NEBL: variants seen among roughly 807,000 people sequenced by gnomAD.
The protein encoded by NEBL is LIM and SH3 protein 2.
NEBL carries 122 observed loss-of-function variants against 140.2 expected under a neutral mutation model. The observed-to-expected ratio is 0.87, with a 90% CI of 0.75 to 1.01. The LOEUF (loss-of-function observed/expected upper bound fraction) is 1.01. NEBL is among the 50% of genes least tolerant of loss of function. NEBL has a pLI of 0.00. For synonymous variants in NEBL, 436 were observed against 398.9 expected, an observed-to-expected ratio of 1.09 and a Z score of -1.11; for missense variants, 1,365 against 1,231.3, an observed-to-expected ratio of 1.11 and a Z score of -1.62.
At chr10:20,967,484 C>T (rs1034172032) in intron 3 of NEBL, among the ~76,000 whole-genome samples, 15 of 152,126 alleles carry the variant, frequency 9.9e-5, no homozygotes, top group African/African-American at 3.1e-4. Context: ...AAAAATTAGC[C>T]GGGTGTGATG....
At chr10:21,268,605 C>G (rs1377484448) in intron 1 of NEBL, among the ~76,000 whole-genome samples, 1 of 149,976 alleles carries the variant, frequency 6.7e-6, no homozygotes, top group Non-Finnish European at 1.5e-5. Flanking sequence ...CTCACTGCAA[C>G]CTCTGCCTCC....
intron 2 of NEBL, among the ~76,000 whole-genome samples, chr10:21,028,723 A>G (rs1320118301): frequency 1.3e-5 from 2 of 152,172 alleles, no homozygotes; most frequent in Non-Finnish European, 2.9e-5. Context: ...ATCCTAAAAA[A>G]GGGAAAATAT....
rs1480057730 is a variant in NEBL, at chr10:20,845,361, TA to T, written c.1123del (p.Tyr375ThrfsTer17). ...AATCTCCTTCTCAAAATCCTCTTTG[TA>T]AACTTTCTGTTAAATAAGACCACAT... Reference protein sequence around the residue: ...EAQKMQSEKVYKEDFEKEIKG... With the variant: ...EAQKMQSEKVXKEDFEKEIKG... On this transcript the variant is annotated frameshift_variant, in exon 12 of 28. Transcript: ENST00000377122. LOFTEE classifies it high-confidence loss of function. 2 of 1,570,678 alleles carry T rather than the reference TA, an allele frequency of 1.3e-6. No individual in the cohort carries two copies. Among genetic ancestry groups the T allele is most frequent in the Non-Finnish European group, 1.8e-6 (2 of 1,141,266 alleles).
intron 4 of NEBL, among the ~76,000 whole-genome samples, chr10:20,953,643 G>A (rs1451745442): frequency 6.6e-6 from 1 of 150,952 alleles, no homozygotes; most frequent in African/African-American, 2.4e-5. Context: ...CTGAGGAAAT[G>A]TTGCTACAAT....
chr10:20,933,107 C>T (rs1834279168), intron 4 of NEBL, among the ~76,000 whole-genome samples: 1 of 152,136 alleles, frequency 6.6e-6, no homozygotes, highest in South Asian at 2.1e-4. Context: ...TAGATTCTCT[C>T]GATGTGTTTG....
chr10:20,786,273 T>C (rs994001312), intron 27 of NEBL, among the ~76,000 whole-genome samples: 1 of 152,194 alleles, frequency 6.6e-6, no homozygotes, highest in African/African-American at 2.4e-5. Flanking sequence ...AAACTCGTCA[T>C]ATGTCAGAGA....
chr10:20,897,079 A>C (rs542004548), intron 1 of NEBL, 46 bp downstream of exon 1: 1 of 1,600,166 alleles, frequency 6.2e-7, no homozygotes, highest in Non-Finnish European at 8.6e-7. Flanking sequence ...CTCATTGTCA[A>C]TTTAGAGGAA....
intron 26 of NEBL, among the ~76,000 whole-genome samples, chr10:20,795,144 T>C (rs1350495000): frequency 6.6e-6 from 1 of 152,158 alleles, no homozygotes; most frequent in African/African-American, 2.4e-5. Context: ...CTATGGCATG[T>C]TGAGCAGAGA....
At chr10:20,996,181 T>A (rs1302211777) in intron 3 of NEBL, among the ~76,000 whole-genome samples, 8 of 152,210 alleles carry the variant, frequency 5.3e-5, no homozygotes. Context: ...AATCGGTTAA[T>A]GTGCCACTAC....
intron 4 of NEBL, among the ~76,000 whole-genome samples, chr10:20,933,586 T>G (rs915317922): frequency 6.6e-6 from 1 of 150,958 alleles, no homozygotes; most frequent in Non-Finnish European, 1.5e-5. Flanking sequence ...ATACAAAAAT[T>G]AGCCGGGTGT....
chr10:20,806,433 C>A (rs759584021), intron 26 of NEBL, among the ~76,000 whole-genome samples: 1 of 152,172 alleles, frequency 6.6e-6, no homozygotes, highest in Non-Finnish European at 1.5e-5. Context: ...ATGCGTCTGT[C>A]CTATCAGAAA....
chr10:21,282,337 C>A (rs1035294864), intron 1 of NEBL, among the ~76,000 whole-genome samples: 5 of 152,012 alleles, frequency 3.3e-5, no homozygotes, highest in African/African-American at 1.2e-4. Context: ...CAAGAGGCTC[C>A]GTAGGGAGCA....
chr10:20,894,927 TA>T (rs56137796), intron 2 of NEBL, among the ~76,000 whole-genome samples: 3,593 of 79,884 alleles, frequency 0.045, 114 homozygotes, highest in African/African-American at 0.13. Flanking sequence ...AGACTCTGTC[TA>T]AAAAAAAAAA....
intron 7 of NEBL, among the ~76,000 whole-genome samples, chr10:20,862,570 T>C (rs1306216025): frequency 2.6e-5 from 4 of 152,202 alleles, no homozygotes; most frequent in Non-Finnish European, 5.9e-5. Context: ...CTAGAGTTCA[T>C]ACATCTGTGT....
At chr10:21,132,923 A>G (rs1208718808) in intron 2 of NEBL, among the ~76,000 whole-genome samples, 1 of 152,210 alleles carries the variant, frequency 6.6e-6, no homozygotes, top group African/African-American at 2.4e-5. Context: ...CTTACATTCT[A>G]CGGGTAGTCT....
intron 26 of NEBL, among the ~76,000 whole-genome samples, chr10:20,806,474 T>C (rs1251345174): frequency 6.6e-6 from 1 of 152,184 alleles, no homozygotes; most frequent in African/African-American, 2.4e-5. Context: ...ACAGCCTCGT[T>C]AACGTCCATC....
At chr10:20,997,450 C>A (rs7894881) in intron 3 of NEBL, among the ~76,000 whole-genome samples, 5,298 of 110,782 alleles carry the variant, frequency 0.048, 125 homozygotes, top group Middle Eastern at 0.11. Flanking sequence ...CAAACCACAC[C>A]AAATAAACGC....
At chr10:21,207,975 G>A (rs1314836378) in intron 3 of NEBL, among the ~76,000 whole-genome samples, 1 of 152,168 alleles carries the variant, frequency 6.6e-6, no homozygotes, top group Admixed American at 6.5e-5. Context: ...GGACCAACAG[G>A]TTCATATGTC....
rs147261018 is a variant in NEBL at position 20,864,946 on chromosome 10, A to T, written c.684+3718T>A. Among the ~76,000 whole-genome samples, 227 of 152,316 alleles carry T rather than the reference A, an allele frequency of 1.5e-3. 1 individual carries two copies. The highest frequency in any genetic ancestry group is 5.1e-3 in the African/African-American group (213 of 41,580). On this transcript the variant is annotated intron_variant, in intron 7 of 27. Coordinates refer to ENST00000377122, the MANE Select transcript of NEBL (RefSeq NM_006393.3). ...AAAATGAATACGATAGCTATAATGT[A>T]AGTTAAAAATTAAAATCTGCTTAAG... is the stretch of plus-strand genomic sequence containing the variant.
Sources: gnomAD v4.1 joint callset for allele counts (sites outside exome capture counted in the v4.1 genomes callset) on GRCh38, gnomAD v4.1.1 for gene constraint, MANE v1.5 for transcripts, NCBI Gene and HGNC (gene_info 2026-07-23, HGNC 2026-07-21) for gene names.